Variants in KANK1 observed in about 807,000 individuals in gnomAD.
KANK1 encodes the protein KN motif and ankyrin repeat domains 1.
KANK1 carries 109 observed loss-of-function variants against 106.2 expected under a neutral mutation model. The observed-to-expected ratio is 1.03, with a 90% CI of 0.88 to 1.20. The LOEUF (loss-of-function observed/expected upper bound fraction) is 1.20, where lower values mean the gene tolerates loss of function less well. KANK1 is among the 50% of genes most tolerant of loss of function. The probability of loss-of-function intolerance (pLI) is 0.00; values close to 1 mark genes in which losing one functional copy is unlikely to be tolerated. For synonymous variants in KANK1, 873 were observed against 652.2 expected (o/e 1.34, Z -5.16); for missense variants, 2,399 against 1,710.7 (o/e 1.40, Z -7.10).
At chr9:725,346 A>G (rs931873281) in intron 3 of KANK1, among the ~76,000 whole-genome samples, 3 of 152,046 alleles carry the variant, frequency 2.0e-5, no homozygotes, top group Non-Finnish European at 2.9e-5. Flanking sequence ...TACAAAAATT[A>G]GCCAGGCATG....
chr9:627,956 A>G (rs114949288), intron 1 of KANK1, among the ~76,000 whole-genome samples: 23,602 of 152,226 alleles, frequency 0.16, 2,005 homozygotes, highest in Admixed American at 0.18. Context: ...ACAACAAAAA[A>G]AAAAGAAAAA....
In KANK1 at chr9:745,299, G is replaced by T; in HGVS notation, c.*64G>T. ...AGCTGCTAATTGTTCCTGTTGGGGT[G>T]ACAGATACTGAATGTATACGTATTG... is the stretch of plus-strand genomic sequence containing the variant. On this transcript the variant is annotated 3_prime_UTR_variant, in exon 12 of 12. Transcript: ENST00000382297. 6.3e-7 allele frequency: 1 copy of T among 1,588,928 alleles called. No homozygotes were observed. The highest frequency in any genetic ancestry group is 1.1e-5 in the South Asian group (1 of 90,388).
intron 3 of KANK1, among the ~76,000 whole-genome samples, chr9:478,655 A>G (rs1292358936): frequency 6.6e-6 from 1 of 152,212 alleles, no homozygotes; most frequent in Admixed American, 6.5e-5. Context: ...CCAAGAAACC[A>G]TCTAGAAAGG....
chr9:742,332 G>A lies in KANK1; in HGVS notation c.3824G>A (p.Ser1275Asn), dbSNP rs774221812. ...DEGSTALMCASEHGHVEIVKL... is the reference protein window; with the variant it reads ...DEGSTALMCANEHGHVEIVKL... ...GGCTCCACGGCCCTCATGTGTGCCA[G>A]CGAGCACGGACACGTGGAGATTGTC... The change falls in exon 10 of 12, where the codon AGC becomes AAC. Residue 1275 changes from serine to asparagine, a missense_variant. Coordinates refer to ENST00000382297, the MANE Select transcript of KANK1 (RefSeq NM_015158.5). 9 of 1,614,020 alleles carry A rather than the reference G, an allele frequency of 5.6e-6. No homozygotes were observed. In the East Asian group the frequency reaches 2.0e-4, roughly 36 times the overall value.
intron 3 of KANK1, among the ~76,000 whole-genome samples, chr9:723,938 G>C (rs373916910): frequency 2.2e-5 from 3 of 135,226 alleles, no homozygotes; most frequent in African/African-American, 8.3e-5. Context: ...TTAAAAATAC[G>C]AAAAAAAAAA....
At chr9:529,534 ATTCTCTCTCCCTG>A (rs1351059634) in intron 1 of KANK1, among the ~76,000 whole-genome samples, 2 of 151,984 alleles carry the variant, frequency 1.3e-5, no homozygotes, top group Non-Finnish European at 2.9e-5. Flanking sequence ...ATATGATCAT[ATTCTCTCTCCCTG>A]TGAAATCACA....
chr9:674,950 C>G lies in KANK1; in HGVS notation c.-83-1940C>G, dbSNP rs1027283511. On this transcript the variant is annotated intron_variant, in intron 1 of 11. Transcript: ENST00000382297. ...AAACTCCTGACCTCAGGTGATCTGC[C>G]TGCGTCAGCCTCCCACAGTGCTGGG... Among the ~76,000 whole-genome samples, 3 of 152,170 alleles carry G rather than the reference C, an allele frequency of 2.0e-5. No individual in the cohort carries two copies. In the South Asian group the frequency reaches 6.2e-4, roughly 32 times the overall value.
At chr9:734,425 G>A (rs1381084458) in intron 6 of KANK1, 1 of 243,420 alleles carries the variant, frequency 4.1e-6, no homozygotes, top group African/African-American at 2.2e-5. Flanking sequence ...CAGCACTGTG[G>A]GAGGCCGAGG....
rs1008576013 is a variant in KANK1, at chr9:654,143, C to G, written c.-83-22747C>G. Among the ~76,000 whole-genome samples, 5 of 152,252 alleles carry G rather than the reference C, an allele frequency of 3.3e-5. No individual in the cohort carries two copies. In the East Asian group the frequency reaches 9.7e-4, roughly 29 times the overall value. ...TGTAAGTTTTGAAAATGACCACATG[C>G]AGCAGTTAACACACTGATGACTGGA... On this transcript the variant is annotated intron_variant, in intron 1 of 11. Transcript: ENST00000382297.
At chr9:684,460 TCG>T in intron 2 of KANK1, 18 of 985,432 alleles carry the variant, frequency 1.8e-5, no homozygotes, top group Non-Finnish European at 2.2e-5. Flanking sequence ...TGTTAAGAAC[TCG>T]AGCTGTTGCT....
intron 1 of KANK1, among the ~76,000 whole-genome samples, chr9:515,899 G>A (rs377477028): frequency 1.1e-4 from 17 of 151,732 alleles, no homozygotes; most frequent in African/African-American, 3.9e-4. Context: ...GTTTGAGTTC[G>A]TTTTGATTTA....
rs1215690564 is a variant in KANK1, at chr9:707,132, T to C, written c.38-3672T>C. On this transcript the variant is annotated intron_variant, in intron 2 of 11. Coordinates refer to ENST00000382297, the MANE Select transcript of KANK1 (RefSeq NM_015158.5). ...GTGGCCGGCCAAGTTTACACGAATGTTGAAACTTCTCCTCACGGGGTGAGG... is the reference window on the plus strand; with the variant it reads ...GTGGCCGGCCAAGTTTACACGAATGCTGAAACTTCTCCTCACGGGGTGAGG... 15 of 985,306 alleles carry C rather than the reference T, an allele frequency of 1.5e-5. No homozygotes were observed. The South Asian group carries it at 5.6e-4, about 37-fold the overall frequency. The allele number at this position is 985,306 out of a possible 1,614,324, so 61.0% of individuals were successfully genotyped here. A position where few individuals can be genotyped will look rare whatever the true frequency, so the allele number is the denominator to read the frequency against.
chr9:673,200 C>CT (rs542647158), intron 1 of KANK1, among the ~76,000 whole-genome samples: 5,508 of 97,494 alleles, frequency 0.056, 858 homozygotes, highest in Non-Finnish European at 0.066. Context: ...ACAGTGTCTT[C>CT]TTTTTTTTTT....
intron 1 of KANK1, among the ~76,000 whole-genome samples, chr9:664,228 A>G (rs1114627): frequency 0.84 from 127,488 of 152,004 alleles, 53,601 homozygotes; most frequent in East Asian, 0.97. Context: ...CCCCATCCCC[A>G]CTACCCTTCC....
Position 711,315 on chromosome 9 carries a change from G to T in KANK1, c.549G>T (p.Arg183Ser). 2 of 1,614,158 alleles carry T rather than the reference G, an allele frequency of 1.2e-6. No homozygotes were observed. The highest frequency in any genetic ancestry group is 2.2e-5 in the East Asian group (1 of 44,876). Residue 183 changes from arginine to serine, a missense_variant, in exon 3 of 12, where the codon AGG becomes AGT. Coordinates refer to ENST00000382297, the MANE Select transcript of KANK1 (RefSeq NM_015158.5). ...QMTPGEFRRP[R>S]LASFGGMGTT... ...CACCGGGTGAGTTCAGAAGGCCCAG[G>T]CTGGCCAGTTTTGGAGGCATGGGCA...
chr9:597,153 C>A (rs1257096107), intron 1 of KANK1, among the ~76,000 whole-genome samples: 3 of 151,756 alleles, frequency 2.0e-5, no homozygotes, highest in Non-Finnish European at 2.9e-5. Flanking sequence ...TTTTCCCCAC[C>A]TTTTAATTCT....
chr9:582,371 A>G (rs9299021), intron 1 of KANK1, among the ~76,000 whole-genome samples: 45,569 of 151,866 alleles, frequency 0.3, 7,281 homozygotes, highest in African/African-American at 0.39. Context: ...CAAATTCTTA[A>G]GCATTTTCTA....
intron 2 of KANK1, among the ~76,000 whole-genome samples, chr9:677,989 C>T (rs895661584): frequency 6.6e-6 from 1 of 152,140 alleles, no homozygotes; most frequent in African/African-American, 2.4e-5. Context: ...GCTATGTAAG[C>T]CGTAAAGCAC....
At chr9:540,969 TCTG>T (rs1458963874) in intron 1 of KANK1, among the ~76,000 whole-genome samples, 2 of 152,196 alleles carry the variant, frequency 1.3e-5, no homozygotes, top group African/African-American at 2.4e-5. Context: ...TTTTTTTCCT[TCTG>T]CTGACTTTGG....
Sources: gnomAD v4.1 joint callset for allele counts (sites outside exome capture counted in the v4.1 genomes callset) on GRCh38, gnomAD v4.1.1 for gene constraint, MANE v1.5 for transcripts, NCBI Gene and HGNC (gene_info 2026-07-23, HGNC 2026-07-21) for gene names.